The following TCF12 variants were observed in gnomAD, a reference collection of about 807,000 sequenced individuals.
The protein encoded by TCF12 is DNA-binding protein HTF4.
In TCF12, 45 loss-of-function variants were observed where a neutral mutation model predicts 86.0. The ratio of observed to expected loss-of-function variants is 0.52; its 90% CI spans 0.41 to 0.67. The LOEUF is 0.67. TCF12 is among the 30% of genes least tolerant of loss of function. TCF12 has a pLI of 0.00. For missense variants in TCF12, 881 were observed against 859.9 expected (o/e 1.02, Z -0.31); for synonymous variants, 330 against 299.6 (o/e 1.10, Z -1.05).
intron 3 of TCF12, among the ~76,000 whole-genome samples, chr15:56,956,212 A>G (rs1195043388): frequency 6.6e-6 from 1 of 151,736 alleles, no homozygotes; most frequent in Non-Finnish European, 1.5e-5. Context: ...CATTTAATGT[A>G]ATTATTGATA....
chr15:57,259,943 A>G (rs2060514226), intron 16 of TCF12, among the ~76,000 whole-genome samples: 1 of 152,210 alleles, frequency 6.6e-6, no homozygotes, highest in African/African-American at 2.4e-5. Context: ...CAGAAAATAT[A>G]TGAGGGCCAT....
At chr15:57,069,877 G>T (rs1429803580) in intron 4 of TCF12, among the ~76,000 whole-genome samples, 1 of 152,220 alleles carries the variant, frequency 6.6e-6, no homozygotes, top group African/African-American at 2.4e-5. Flanking sequence ...GAACAGTTTA[G>T]CAAGTATAGT....
At chr15:57,004,699 G>A (rs893010201) in intron 3 of TCF12, among the ~76,000 whole-genome samples, 2 of 152,006 alleles carry the variant, frequency 1.3e-5, no homozygotes, top group Non-Finnish European at 2.9e-5. Context: ...GTGAGCCACC[G>A]CGACCGACCC....
At chr15:57,290,365 T>C (rs377086396), downstream of TCF12, among the ~76,000 whole-genome samples, 286 of 137,764 alleles carry the variant, frequency 2.1e-3, no homozygotes, top group African/African-American at 7.0e-3. Context: ...AAAAAAAGAG[T>C]GAGCCAGTAG....
At chr15:56,953,384 G>C (rs1213873969) in intron 3 of TCF12, among the ~76,000 whole-genome samples, 13 of 151,920 alleles carry the variant, frequency 8.6e-5, no homozygotes. Context: ...TTATTTTCTA[G>C]AATGTTTGCT....
intron 8 of TCF12, among the ~76,000 whole-genome samples, chr15:57,215,272 C>A (rs1415495816): frequency 1.3e-5 from 2 of 152,148 alleles, no homozygotes; most frequent in African/African-American, 4.8e-5. Context: ...CACATGTCAT[C>A]TCTTTACAAG....
At chr15:57,021,991 A>AT (rs1323483171) in intron 3 of TCF12, among the ~76,000 whole-genome samples, 2 of 151,694 alleles carry the variant, frequency 1.3e-5, no homozygotes, top group African/African-American at 2.4e-5. Context: ...AGTTTAACTT[A>AT]TTTTTTTCTT....
At chr15:57,128,903 G>T (rs2051887700) in intron 5 of TCF12, among the ~76,000 whole-genome samples, 1 of 152,078 alleles carries the variant, frequency 6.6e-6, no homozygotes, top group African/African-American at 2.4e-5. Context: ...CCATTGTATG[G>T]ATATACCATT....
intron 3 of TCF12, among the ~76,000 whole-genome samples, chr15:56,978,335 A>C (rs1226361351): frequency 1.3e-5 from 2 of 152,192 alleles, no homozygotes; most frequent in African/African-American, 4.8e-5. Context: ...CAAAACAATA[A>C]ATTTTTAGGG....
At chr15:57,065,304 T>A (rs1361287951) in intron 4 of TCF12, among the ~76,000 whole-genome samples, 1 of 152,212 alleles carries the variant, frequency 6.6e-6, no homozygotes, top group Admixed American at 6.5e-5. Context: ...TTGGACACAC[T>A]ATTTTTGTCT....
At chr15:56,944,435 G>A (rs2060908704) in intron 3 of TCF12, among the ~76,000 whole-genome samples, 1 of 152,122 alleles carries the variant, frequency 6.6e-6, no homozygotes, top group Non-Finnish European at 1.5e-5. Context: ...TCTTGTAATT[G>A]CTTTAAACGT....
At chr15:56,954,013 T>A (rs2061396292) in intron 3 of TCF12, among the ~76,000 whole-genome samples, 1 of 152,238 alleles carries the variant, frequency 6.6e-6, no homozygotes, top group Non-Finnish European at 1.5e-5. Context: ...GGTCATCAAT[T>A]TGAGACCTTT....
intron 3 of TCF12, among the ~76,000 whole-genome samples, chr15:56,938,204 A>G (rs2060569479): frequency 6.8e-6 from 1 of 146,638 alleles, no homozygotes; most frequent in African/African-American, 2.5e-5. Context: ...CTCTGTTGCC[A>G]GGCTGCAGTG....
intron 15 of TCF12, 24 bp downstream of exon 15, chr15:57,252,516 C>CT (rs1178487603): frequency 6.3e-7 from 1 of 1,595,486 alleles, no homozygotes; most frequent in Non-Finnish European, 8.6e-7. Flanking sequence ...TAGATGGTGC[C>CT]TTTTTTGTGT....
intron 3 of TCF12, among the ~76,000 whole-genome samples, chr15:56,974,025 G>C (rs2062474756): frequency 6.6e-6 from 1 of 152,118 alleles, no homozygotes; most frequent in Non-Finnish European, 1.5e-5. Flanking sequence ...TCAGATTAAA[G>C]ATGCCACAAA....
At chr15:57,126,170 G>A (rs1461773832) in intron 5 of TCF12, among the ~76,000 whole-genome samples, 5 of 152,198 alleles carry the variant, frequency 3.3e-5, no homozygotes, top group Admixed American at 6.5e-5. Flanking sequence ...GAGCTCAGGA[G>A]GAGAAAATTG....
In TCF12 at chr15:57,171,960, GT is replaced by G. The variant is rs531576554; in HGVS notation, c.390+5495del. 3.3e-3 allele frequency among the ~76,000 whole-genome samples: 498 copies of G among 152,240 alleles called. 2 individuals are homozygous for G. The highest frequency in any genetic ancestry group is 0.012 in the African/African-American group (478 of 41,548). On this transcript the variant is annotated intron_variant, in intron 6 of 20. Coordinates refer to ENST00000333725, the MANE Select transcript of TCF12 (RefSeq NM_207037.2). ...TTCTCTAAGTGTTTAAATGTAGAAG[GT>G]GGCAGGGTCTTGGTTTTTTTCAGAA...
intron 3 of TCF12, among the ~76,000 whole-genome samples, chr15:57,031,425 G>A (rs77090157): frequency 0.028 from 4,291 of 152,208 alleles, 73 homozygotes; most frequent in Non-Finnish European, 0.044. Flanking sequence ...CTGGCTTATC[G>A]CTGTGGTTGG....
chr15:57,163,044 C>T (rs1200192786), intron 5 of TCF12, among the ~76,000 whole-genome samples: 1 of 151,952 alleles, frequency 6.6e-6, no homozygotes. Context: ...TGTGGTGGCA[C>T]GCCCCTGTAG....
Sources: allele counts gnomAD v4.1 joint callset (sites outside exome capture counted in the v4.1 genomes callset), GRCh38; gene constraint gnomAD v4.1.1; transcripts MANE v1.5; gene names NCBI Gene and HGNC (gene_info 2026-07-23, HGNC 2026-07-21).